Variants in LIN28B observed in about 807,000 individuals in gnomAD.
LIN28B encodes lin-28 RNA binding posttranscriptional regulator B.
Under a neutral mutation model 21.9 loss-of-function variants are expected in LIN28B, and 5 were observed. The observed-to-expected ratio is 0.23, with a 90% CI of 0.12 to 0.48. The LOEUF is 0.48. LIN28B is among the 20% of genes least tolerant of loss of function. LIN28B has a pLI of 0.98. For synonymous variants in LIN28B, 109 were observed against 111.3 expected (o/e 0.98, Z 0.13); for missense variants, 245 against 310.5 (o/e 0.79, Z 1.58).
chr6:105,019,291 C>T (rs1771089421), intron 2 of LIN28B, among the ~76,000 whole-genome samples: 1 of 152,114 alleles, frequency 6.6e-6, no homozygotes, highest in Non-Finnish European at 1.5e-5. Context: ...TCTTGGTTGA[C>T]CCTTCAGATA....
At chr6:104,994,067 C>T (rs917015387) in intron 2 of LIN28B, among the ~76,000 whole-genome samples, 1 of 151,992 alleles carries the variant, frequency 6.6e-6, no homozygotes, top group African/African-American at 2.4e-5. Flanking sequence ...GGCAGTGGCG[C>T]AATCTCGGCT....
At chr6:104,953,992 C>G (rs1445210811), upstream of LIN28B, among the ~76,000 whole-genome samples, 4 of 152,156 alleles carry the variant, frequency 2.6e-5, no homozygotes, top group African/African-American at 9.7e-5. Flanking sequence ...AAACGTGTAC[C>G]TTGTTTTTTA....
chr6:104,971,659 A>G (rs957750840), intron 2 of LIN28B, among the ~76,000 whole-genome samples: 3 of 152,176 alleles, frequency 2.0e-5, no homozygotes, highest in Non-Finnish European at 4.4e-5. Flanking sequence ...GTATTGGCCC[A>G]TGCTTTCATT....
chr6:105,020,107 CTTTT>C (rs1158938023), intron 2 of LIN28B, among the ~76,000 whole-genome samples: 1 of 87,588 alleles, frequency 1.1e-5, no homozygotes. Flanking sequence ...TCCTGTTATT[CTTTT>C]TTTTTTTTTT....
At chr6:105,016,138 G>C (rs1195067736) in intron 2 of LIN28B, among the ~76,000 whole-genome samples, 1 of 152,078 alleles carries the variant, frequency 6.6e-6, no homozygotes, top group Non-Finnish European at 1.5e-5. Context: ...TTTTCAAAGA[G>C]GAGCAGTAAA....
chr6:104,960,721 A>G (rs558889632), intron 2 of LIN28B, among the ~76,000 whole-genome samples: 16 of 152,146 alleles, frequency 1.1e-4, no homozygotes, highest in South Asian at 2.1e-4. Context: ...TGAGGAACCT[A>G]GGATACTTTT....
chr6:104,938,202 C>G, intron 2 of LIN28B, among the ~76,000 whole-genome samples: 1 of 151,804 alleles, frequency 6.6e-6, no homozygotes, highest in East Asian at 1.9e-4. Context: ...TAGGAAGGTA[C>G]TATTGTACAC....
intron 3 of LIN28B, among the ~76,000 whole-genome samples, chr6:105,072,088 C>CTG (rs3035164): frequency 0.066 from 9,826 of 148,900 alleles, 406 homozygotes; most frequent in East Asian, 0.16. Context: ...TCTTTTGTGT[C>CTG]TGTGTGTGTG....
intron 2 of LIN28B, among the ~76,000 whole-genome samples, chr6:105,024,960 G>C (rs1340173815): frequency 6.6e-6 from 1 of 152,090 alleles, no homozygotes; most frequent in Non-Finnish European, 1.5e-5. Flanking sequence ...TAGTTTTGTG[G>C]GAGTTGGGGA....
chr6:105,032,462 C>T (rs559490514), intron 3 of LIN28B, among the ~76,000 whole-genome samples: 1 of 152,292 alleles, frequency 6.6e-6, no homozygotes, highest in Admixed American at 6.5e-5. Flanking sequence ...TGGTGGCTCA[C>T]ACCTTTAACA....
chr6:104,950,467 C>CT lies in LIN28B; in HGVS notation c.25_26insT (p.Gln9LeufsTer18), dbSNP rs1384717428. On this transcript the variant is annotated frameshift_variant, in exon 3 of 6. Coordinates refer to the LIN28B transcript ENST00000635857. LOFTEE classifies it high-confidence loss of function. Reference sequence around the variant, plus strand: ...TTGAGCTCTCTGATTTTAGGTTCTTCAGAAGAGGATGAGGTCATTCAACCA... The same window carrying CT: ...TTGAGCTCTCTGATTTTAGGTTCTTCTAGAAGAGGATGAGGTCATTCAACCA... 1 of 1,227,222 alleles carries CT rather than the reference C, an allele frequency of 8.1e-7. No homozygotes were observed. The highest frequency in any genetic ancestry group is 1.0e-6 in the Non-Finnish European group (1 of 985,228). The allele number at this position is 1,227,222 out of a possible 1,614,324, so 76.0% of individuals were successfully genotyped here.
At chr6:104,958,562 G>GCACT (rs1266375261) in intron 2 of LIN28B, among the ~76,000 whole-genome samples, 2 of 152,124 alleles carry the variant, frequency 1.3e-5, no homozygotes, top group Non-Finnish European at 2.9e-5. Context: ...GCGAAATAGT[G>GCACT]TTCTTGTTGT....
intron 3 of LIN28B, among the ~76,000 whole-genome samples, chr6:105,033,150 A>C (rs917001566): frequency 2.6e-5 from 4 of 152,180 alleles, no homozygotes; most frequent in African/African-American, 4.8e-5. Flanking sequence ...CATTTCTGCC[A>C]TGTGTAATAT....
At chr6:105,032,689 C>A (rs375221419) in intron 3 of LIN28B, among the ~76,000 whole-genome samples, 2 of 151,902 alleles carry the variant, frequency 1.3e-5, no homozygotes, top group African/African-American at 4.8e-5. Context: ...TCTACTGCAC[C>A]CTAGCCAGGG....
intron 2 of LIN28B, among the ~76,000 whole-genome samples, chr6:105,011,435 C>T (rs376576668): frequency 3.3e-5 from 5 of 152,282 alleles, no homozygotes; most frequent in East Asian, 3.9e-4. Flanking sequence ...AGTGATCTGC[C>T]TACCTCAGCT....
chr6:105,039,844 A>G (rs1771597183), intron 3 of LIN28B, among the ~76,000 whole-genome samples: 1 of 152,028 alleles, frequency 6.6e-6, no homozygotes, highest in Non-Finnish European at 1.5e-5. Flanking sequence ...CTGTGTAAAG[A>G]TTTAGGGGAA....
intron 2 of LIN28B, among the ~76,000 whole-genome samples, chr6:105,019,018 C>G (rs949964837): frequency 6.6e-6 from 1 of 151,758 alleles, no homozygotes; most frequent in Non-Finnish European, 1.5e-5. Flanking sequence ...CAACCTCAGC[C>G]CACTGCAACC....
intron 3 of LIN28B, among the ~76,000 whole-genome samples, chr6:105,029,599 T>C (rs1027620185): frequency 1.3e-5 from 2 of 152,136 alleles, no homozygotes; most frequent in African/African-American, 2.4e-5. Flanking sequence ...TTTGGAAATT[T>C]AACAAGAAAG....
chr6:104,938,334 T>C (rs1394047343), intron 2 of LIN28B, among the ~76,000 whole-genome samples: 3 of 151,982 alleles, frequency 2.0e-5, no homozygotes, highest in African/African-American at 7.2e-5. Flanking sequence ...TTGCCAAGGT[T>C]CACTTTTAGA....
Sources: gnomAD v4.1 joint callset for allele counts (sites outside exome capture counted in the v4.1 genomes callset) on GRCh38, gnomAD v4.1.1 for gene constraint, MANE v1.5 for transcripts, NCBI Gene and HGNC (gene_info 2026-07-23, HGNC 2026-07-21) for gene names.